STK3: variants seen among roughly 807,000 people sequenced by gnomAD.
STK3 encodes the protein serine/threonine-protein kinase 3.
A neutral mutation model predicts 58.0 loss-of-function variants in STK3; 41 were observed. That is an observed-to-expected ratio of 0.71 (90% confidence interval 0.55 to 0.92). STK3 has a LOEUF of 0.92. STK3 is among the 40% of genes least tolerant of loss of function. STK3 has a pLI of 0.00. For missense variants in STK3, 479 were observed against 602.7 expected, an observed-to-expected ratio of 0.79 and a Z score of 2.15; for synonymous variants, 170 against 191.0, an observed-to-expected ratio of 0.89 and a Z score of 0.91.
intron 9 of STK3, among the ~76,000 whole-genome samples, chr8:98,532,124 C>A (rs2131511671): frequency 6.6e-6 from 1 of 152,334 alleles, no homozygotes; most frequent in Middle Eastern, 3.4e-3. Context: ...CTGTTTGGTG[C>A]AAGAGGCCTA....
chr8:98,596,793 A>C (rs1054929938), intron 6 of STK3, among the ~76,000 whole-genome samples: 1 of 152,114 alleles, frequency 6.6e-6, no homozygotes, highest in Admixed American at 6.6e-5. Flanking sequence ...AAAGCCATAA[A>C]AAGAGTCCAT....
At chr8:98,393,384 T>C (rs1455320334) in intron 3 of STK3, among the ~76,000 whole-genome samples, 1 of 152,112 alleles carries the variant, frequency 6.6e-6, no homozygotes, top group Non-Finnish European at 1.5e-5. Context: ...GATATGGCAA[T>C]AGTCCTTCAC....
intron 6 of STK3, among the ~76,000 whole-genome samples, chr8:98,698,444 G>C (rs965656202): frequency 1.3e-5 from 2 of 152,204 alleles, no homozygotes; most frequent in Admixed American, 1.3e-4. Context: ...AGTTGATACA[G>C]TTTCTTCCTA....
At chr8:98,821,837 G>A (rs1834921754) in intron 1 of STK3, among the ~76,000 whole-genome samples, 1 of 152,082 alleles carries the variant, frequency 6.6e-6, no homozygotes, top group Non-Finnish European at 1.5e-5. Context: ...CCAAATCAAT[G>A]AATATGAGGG....
At chr8:98,809,325 C>T (rs183241910) in intron 1 of STK3, among the ~76,000 whole-genome samples, 51 of 152,284 alleles carry the variant, frequency 3.3e-4, no homozygotes, top group African/African-American at 1.2e-3. Context: ...AGTCCTTAAC[C>T]TGTGGTGTCT....
chr8:98,655,157 A>G (rs946848190), intron 6 of STK3, among the ~76,000 whole-genome samples: 6 of 152,056 alleles, frequency 3.9e-5, no homozygotes, highest in South Asian at 2.1e-4. Context: ...ATGGAACAGA[A>G]CAGAGCCCTC....
chr8:98,423,925 C>T (rs1818200369), intron 3 of STK3, among the ~76,000 whole-genome samples: 1 of 152,250 alleles, frequency 6.6e-6, no homozygotes, highest in Admixed American at 6.5e-5. Flanking sequence ...GTGCCTCTCC[C>T]TGCACACCTG....
chr8:98,798,958 C>T (rs572801775), intron 1 of STK3, among the ~76,000 whole-genome samples: 1 of 152,336 alleles, frequency 6.6e-6, no homozygotes, highest in South Asian at 2.1e-4. Context: ...AGCAACAAGA[C>T]ACTATCTTGG....
chr8:98,374,911 G>T (rs185144420), intron 2 of STK3, among the ~76,000 whole-genome samples: 1 of 152,270 alleles, frequency 6.6e-6, no homozygotes, highest in Admixed American at 6.5e-5. Flanking sequence ...AGGGTGGCAG[G>T]AAGACCCTAT....
intron 4 of STK3, among the ~76,000 whole-genome samples, chr8:98,731,679 C>T (rs572627184): frequency 4.7e-5 from 7 of 149,396 alleles, no homozygotes; most frequent in South Asian, 2.1e-4. Context: ...GCCGAGATGG[C>T]GCCACTGCAC....
the STK3 span, among the ~76,000 whole-genome samples, chr8:98,347,210 A>AT: frequency 1.3e-5 from 2 of 151,880 alleles, no homozygotes; most frequent in East Asian, 3.9e-4. Context: ...TGATAAAAAT[A>AT]TTTTTTAAAA....
chr8:98,543,739 T>C (rs1439625399), intron 9 of STK3, among the ~76,000 whole-genome samples: 1 of 152,164 alleles, frequency 6.6e-6, no homozygotes, highest in South Asian at 2.1e-4. Context: ...CTAGCCACTC[T>C]GTAGAATGAG....
intron 6 of STK3, among the ~76,000 whole-genome samples, chr8:98,694,022 G>T (rs909770579): frequency 6.6e-6 from 1 of 152,078 alleles, no homozygotes; most frequent in East Asian, 1.9e-4. Flanking sequence ...AGTGCCATGG[G>T]ATTTCCAATG....
intron 4 of STK3, among the ~76,000 whole-genome samples, chr8:98,739,446 CT>C (rs1161686536): frequency 1.3e-5 from 2 of 150,824 alleles, no homozygotes; most frequent in Non-Finnish European, 3.0e-5. Context: ...TGAAAATCCG[CT>C]GTTCTGCAGC....
chr8:98,805,678 T>C (rs1226480852), intron 1 of STK3, among the ~76,000 whole-genome samples: 1 of 152,102 alleles, frequency 6.6e-6, no homozygotes, highest in African/African-American at 2.4e-5. Context: ...AACACAGGAA[T>C]GGGAAAGGCA....
chr8:98,491,269 T>C (rs1188192353), intron 10 of STK3, among the ~76,000 whole-genome samples: 2 of 152,030 alleles, frequency 1.3e-5, no homozygotes, highest in Non-Finnish European at 2.9e-5. Flanking sequence ...TGTAATTTGG[T>C]AGTATTTAAA....
intron 3 of STK3, among the ~76,000 whole-genome samples, chr8:98,869,350 G>C (rs1253424097): frequency 6.6e-6 from 1 of 152,166 alleles, no homozygotes; most frequent in Non-Finnish European, 1.5e-5. Flanking sequence ...GAGCCCGGGA[G>C]GCAGAGGTTA....
chr8:98,765,236 C>A (rs951073183), intron 3 of STK3, among the ~76,000 whole-genome samples: 1 of 152,196 alleles, frequency 6.6e-6, no homozygotes, highest in Non-Finnish European at 1.5e-5. Flanking sequence ...TATTCTATAT[C>A]AAATTGTGGG....
Position 98,780,398 on chromosome 8 carries a change from T to C in STK3, c.27-5579A>G, listed in dbSNP as rs180815527. Reference sequence around the variant, plus strand: ...GTATTATTATGAGTGAAGTTGACCATCTTTTCATATGATTAAGAAGCTAAA... The same window carrying C: ...GTATTATTATGAGTGAAGTTGACCACCTTTTCATATGATTAAGAAGCTAAA... On this transcript the variant is annotated intron_variant, in intron 1 of 10. Coordinates refer to ENST00000419617, the MANE Select transcript of STK3 (RefSeq NM_006281.4). Among the ~76,000 whole-genome samples, 10 of 152,262 alleles carry C rather than the reference T, an allele frequency of 6.6e-5. No individual in the cohort carries two copies. The East Asian group carries it at 1.9e-3, about 29-fold the overall frequency.
Sources: gnomAD v4.1 joint callset for allele counts (sites outside exome capture counted in the v4.1 genomes callset) on GRCh38, gnomAD v4.1.1 for gene constraint, MANE v1.5 for transcripts, NCBI Gene and HGNC (gene_info 2026-07-23, HGNC 2026-07-21) for gene names.